SLCO2A1: variants seen among roughly 807,000 people sequenced by gnomAD.
The protein encoded by SLCO2A1 is matrin F/G 1.
SLCO2A1 carries 60 observed loss-of-function variants against 71.7 expected under a neutral mutation model. That is an observed-to-expected ratio of 0.84 (90% CI 0.68 to 1.04). The LOEUF (loss-of-function observed/expected upper bound fraction) is 1.04, where lower values mean the gene tolerates loss of function less well. SLCO2A1 is among the 50% of genes least tolerant of loss of function. The pLI is 0.00. For missense variants in SLCO2A1, 745 were observed against 813.4 expected, an observed-to-expected ratio of 0.92 and a Z score of 1.02; for synonymous variants, 308 against 326.7, an observed-to-expected ratio of 0.94 and a Z score of 0.62.
At chr3:133,950,441 C>A (rs1440239474) in intron 6 of SLCO2A1, among the ~76,000 whole-genome samples, 4 of 152,172 alleles carry the variant, frequency 2.6e-5, no homozygotes, top group African/African-American at 7.2e-5. Context: ...CTATCCTTAT[C>A]TTTGCCCTGT....
intron 3 of SLCO2A1, among the ~76,000 whole-genome samples, chr3:133,957,833 C>G (rs1393186165): frequency 6.6e-6 from 1 of 152,182 alleles, no homozygotes; most frequent in Non-Finnish European, 1.5e-5. Flanking sequence ...TGTCTCTGAG[C>G]CTTAGTTTCC....
chr3:133,989,380 A>T (rs2108063672), intron 1 of SLCO2A1, among the ~76,000 whole-genome samples: 2 of 152,252 alleles, frequency 1.3e-5, no homozygotes, highest in Non-Finnish European at 2.9e-5. Context: ...AAGGACCTGG[A>T]CAACTCATAG....
intron 1 of SLCO2A1, among the ~76,000 whole-genome samples, chr3:134,024,971 T>G (rs1266151341): frequency 6.6e-6 from 1 of 151,998 alleles, no homozygotes; most frequent in Non-Finnish European, 1.5e-5. Flanking sequence ...AGACCATCCT[T>G]AAACATCAGT....
intron 3 of SLCO2A1, among the ~76,000 whole-genome samples, chr3:133,961,970 G>T (rs13066394): frequency 6.6e-6 from 1 of 152,332 alleles, no homozygotes; most frequent in African/African-American, 2.4e-5. Flanking sequence ...GTCAGAGACA[G>T]ATGTAGTGTG....
At chr3:133,958,461 G>T (rs1161841371) in intron 3 of SLCO2A1, among the ~76,000 whole-genome samples, 1 of 152,194 alleles carries the variant, frequency 6.6e-6, no homozygotes, top group African/African-American at 2.4e-5. Context: ...GAGTTTATAT[G>T]CACAGGCTAT....
intron 1 of SLCO2A1, among the ~76,000 whole-genome samples, chr3:133,987,637 C>T (rs1329193010): frequency 6.6e-6 from 1 of 152,238 alleles, no homozygotes; most frequent in East Asian, 1.9e-4. Flanking sequence ...ACCTTGGGAA[C>T]ATGTTCTCAG....
chr3:133,992,892 G>T (rs985793471), intron 1 of SLCO2A1, among the ~76,000 whole-genome samples: 2 of 151,934 alleles, frequency 1.3e-5, no homozygotes, highest in Non-Finnish European at 2.9e-5. Flanking sequence ...ATTACTCTTG[G>T]ACGCCAGACA....
At chr3:133,937,352 A>T (rs1933292675) in intron 12 of SLCO2A1, among the ~76,000 whole-genome samples, 1 of 152,202 alleles carries the variant, frequency 6.6e-6, no homozygotes, top group Admixed American at 6.5e-5. Flanking sequence ...AGGCAGCAGG[A>T]GCAGGGTCTG....
chr3:133,947,427 G>A lies in SLCO2A1; in HGVS notation c.1124C>T (p.Ala375Val). The change falls in exon 9 of 14, where the codon GCT becomes GTT. Residue 375 changes from alanine to valine, a missense_variant. Physicochemically the swap from Ala to Val is moderately conservative, Grantham distance 64. Transcript: ENST00000310926. ...TCCAAACAGCATCCCCAAGGCTGCAGCAGGGAGGTTCACAGCACCTATAAG... is the reference window on the plus strand; with the variant it reads ...TCCAAACAGCATCCCCAAGGCTGCAACAGGGAGGTTCACAGCACCTATAAG... The part of the protein sequence containing the change: ...NFLIGAVNLP[A>V]AALGMLFGGI... The A allele has an allele frequency of 1.2e-6, 2 of 1,613,586 alleles. No individual in the cohort carries two copies. The highest frequency in any genetic ancestry group is 1.7e-6 in the Non-Finnish European group (2 of 1,179,794).
At chr3:134,016,623 T>C (rs2071251980) in intron 1 of SLCO2A1, among the ~76,000 whole-genome samples, 2 of 152,224 alleles carry the variant, frequency 1.3e-5, no homozygotes, top group African/African-American at 2.4e-5. Context: ...AGAAAACAGT[T>C]CAGCAGTTTT....
chr3:133,986,245 CA>C (rs1934711145), intron 1 of SLCO2A1, among the ~76,000 whole-genome samples: 2 of 152,254 alleles, frequency 1.3e-5, no homozygotes, highest in South Asian at 4.1e-4. Context: ...GGGAATTTGA[CA>C]AACAGTTTTT....
rs977360990 is a variant in SLCO2A1 at position 133,950,310 on chromosome 3, C to A, written c.861+898G>T. Among the ~76,000 whole-genome samples the A allele has an allele frequency of 8.5e-5, 13 of 152,204 alleles. No homozygotes were observed. The East Asian group carries it at 2.1e-3, about 25-fold the overall frequency. On this transcript the variant is annotated intron_variant, in intron 6 of 13. Coordinates refer to ENST00000310926, the MANE Select transcript of SLCO2A1 (RefSeq NM_005630.3). ...CCCGGCTGGGCCTAGATTTTATATACCTCATTGTCAAACATTGAGCTCTAT... is the reference window on the plus strand; with the variant it reads ...CCCGGCTGGGCCTAGATTTTATATAACTCATTGTCAAACATTGAGCTCTAT...
At chr3:134,021,998 TA>T (rs1296200918) in intron 1 of SLCO2A1, among the ~76,000 whole-genome samples, 7 of 87,846 alleles carry the variant, frequency 8.0e-5, no homozygotes, top group African/African-American at 2.5e-4. Context: ...AAAAAAAAAG[TA>T]AAAAAAAAAC....
chr3:134,001,532 T>C (rs1160987990), intron 1 of SLCO2A1, among the ~76,000 whole-genome samples: 1 of 152,170 alleles, frequency 6.6e-6, no homozygotes, highest in Non-Finnish European at 1.5e-5. Context: ...TTTCCCTGTG[T>C]CTCCCAAGGC....
In SLCO2A1 at chr3:133,938,426, T is replaced by C; in HGVS notation, c.1690+3A>G. Reference sequence around the variant, plus strand: ...CTTGGGAAGAGGGGTCTTAGACACTTACCCAGCAAGCGCATCAACAAGAAC... The same window carrying C: ...CTTGGGAAGAGGGGTCTTAGACACTCACCCAGCAAGCGCATCAACAAGAAC... On this transcript the variant is annotated splice_donor_region_variant and intron_variant, in intron 12 of 13. Transcript: ENST00000310926. The C allele has an allele frequency of 6.2e-7, 1 of 1,613,928 alleles. No individual in the cohort carries two copies. Among genetic ancestry groups the C allele is most frequent in the South Asian group, 1.1e-5 (1 of 91,068 alleles).
At chr3:133,962,110 C>T (rs1006371618) in intron 3 of SLCO2A1, among the ~76,000 whole-genome samples, 5 of 152,224 alleles carry the variant, frequency 3.3e-5, no homozygotes, top group Non-Finnish European at 5.9e-5. Context: ...GACAGAGTCT[C>T]GCTCTGTCGC....
In SLCO2A1 at chr3:133,933,548, T is replaced by C. The variant is rs1338499056; in HGVS notation, c.*1165A>G. 1 of 152,196 alleles carries C rather than the reference T, an allele frequency of 6.6e-6. No homozygotes were observed. The highest frequency in any genetic ancestry group is 1.5e-5 in the Non-Finnish European group (1 of 68,058). The allele number at this position is 152,196 out of a possible 1,614,324, so 9.4% of individuals were successfully genotyped here. A position where few individuals can be genotyped will look rare whatever the true frequency, so the allele number is the denominator to read the frequency against. ...ACATCTATCACGTAGCAGCTGTGTC[T>C]CTCAACCCAGGCACCCACCTCTCTG... On this transcript the variant is annotated 3_prime_UTR_variant, in exon 14 of 14. Coordinates refer to ENST00000310926, the MANE Select transcript of SLCO2A1 (RefSeq NM_005630.3).
intron 1 of SLCO2A1, among the ~76,000 whole-genome samples, chr3:134,003,091 T>C (rs905518622): frequency 5.9e-5 from 9 of 152,348 alleles, no homozygotes; most frequent in Admixed American, 4.6e-4. Flanking sequence ...CCTGGAGTTC[T>C]CAAAGGCAAG....
At chr3:133,980,120 A>G (rs938909816) in intron 1 of SLCO2A1, among the ~76,000 whole-genome samples, 24 of 152,120 alleles carry the variant, frequency 1.6e-4, no homozygotes, top group African/African-American at 5.6e-4. Context: ...TCCATTCCCA[A>G]CACCTGTCCT....
Sources: allele counts gnomAD v4.1 joint callset (sites outside exome capture counted in the v4.1 genomes callset), GRCh38; gene constraint gnomAD v4.1.1; transcripts MANE v1.5; gene names NCBI Gene and HGNC (gene_info 2026-07-23, HGNC 2026-07-21).